Variants in MAX observed in about 807,000 individuals in gnomAD.
MAX encodes the protein protein max.
A neutral mutation model predicts 22.3 loss-of-function variants in MAX; 3 were observed. The ratio of observed to expected loss-of-function variants is 0.13; its 90% CI spans 0.06 to 0.35. The LOEUF is 0.35. Ranked by LOEUF, MAX falls within the 10% of genes least tolerant of loss-of-function variation. MAX has a pLI of 1.00. For synonymous variants in MAX, 72 were observed against 77.7 expected (o/e 0.93, Z 0.39); for missense variants, 119 against 209.4 (o/e 0.57, Z 2.66).
At chr14:65,034,059 G>A (rs2062141636) in intron 3 of MAX, among the ~76,000 whole-genome samples, 1 of 152,136 alleles carries the variant, frequency 6.6e-6, no homozygotes. Context: ...TGGAGTTAAT[G>A]GATATATCAT....
At chr14:65,065,649 G>A (rs1481267683) in intron 3 of MAX, among the ~76,000 whole-genome samples, 1 of 152,164 alleles carries the variant, frequency 6.6e-6, no homozygotes, top group Non-Finnish European at 1.5e-5. Context: ...ATGATCTCAC[G>A]GGACCACTGT....
Position 65,019,508 on chromosome 14 carries a change from A to ATT in MAX, c.172-13226_172-13225dup, listed in dbSNP as rs71123900. Among the ~76,000 whole-genome samples the ATT allele has an allele frequency of 2.4e-4, 36 of 151,906 alleles. No individual in the cohort carries two copies. In the East Asian group the frequency reaches 3.5e-3, roughly 15 times the overall value. Reference sequence around the variant, plus strand: ...GTCTCAAAAAACAAACAAACAAAACATTTTTTTTAAGCTTACTTGCATTTT... The same window carrying ATT: ...GTCTCAAAAAACAAACAAACAAAACATTTTTTTTTTAAGCTTACTTGCATTTT... On this transcript the variant is annotated intron_variant, in intron 3 of 3. Coordinates refer to the MAX transcript ENST00000341653.
In MAX at chr14:65,101,798, C is replaced by T. The variant is rs2063850457; in HGVS notation, c.37-226G>A. On this transcript the variant is annotated intron_variant, in intron 1 of 4. Transcript: ENST00000358664. ...CGCCGCCCCTCCTTCCGGGATCCGA[C>T]CTGGGCCAGAGGGGTCCCGAGCACT... is the stretch of plus-strand genomic sequence containing the variant. The T allele has an allele frequency of 8.0e-5, 47 of 589,888 alleles. No individual in the cohort carries two copies. In the East Asian group the frequency reaches 1.3e-3, roughly 16 times the overall value. The allele number at this position is 589,888 out of a possible 1,614,324, so 36.5% of individuals were successfully genotyped here.
Position 65,032,781 on chromosome 14 carries a change from G to A in MAX, c.172-26497C>T. 7.6e-7 allele frequency: 1 copy of A among 1,317,076 alleles called. No individual in the cohort carries two copies. Among genetic ancestry groups the A allele is most frequent in the Non-Finnish European group, 1.0e-6 (1 of 970,926 alleles). 81.6% of individuals were successfully genotyped at this position (1,317,076 alleles called of 1,614,324 possible). A position where few individuals can be genotyped will look rare whatever the true frequency, so the allele number is the denominator to read the frequency against. Reference sequence around the variant, plus strand: ...CAGAAAAATAAAGAAAATGCAGAGGGACTTGGAAGGAAATACAAAAATCAC... The same window carrying A: ...CAGAAAAATAAAGAAAATGCAGAGGAACTTGGAAGGAAATACAAAAATCAC... On this transcript the variant is annotated intron_variant, in intron 3 of 3. Coordinates refer to the MAX transcript ENST00000341653. The surrounding 1 kb of genome is among the most constrained non-coding windows in gnomAD (Gnocchi z 5.0).
chr14:65,088,424 G>A lies in MAX; in HGVS notation c.171+5284C>T, dbSNP rs2063402198. ...GCAACTATGGGCAACAATTTAAGAT[G>A]TAGAAACTTTAAAAAGATAATTGCC... On this transcript the variant is annotated intron_variant, in intron 3 of 4. Transcript: ENST00000358664. This position sits in a 1 kb window ranked among gnomAD's most constrained non-coding sequence, Gnocchi z 5.2. Among the ~76,000 whole-genome samples, 1 of 152,216 alleles carries A rather than the reference G, an allele frequency of 6.6e-6. No individual in the cohort carries two copies. The highest frequency in any genetic ancestry group is 2.1e-4 in the South Asian group (1 of 4,824).
rs2062030203 is a variant in MAX, at chr14:65,028,882, C to T, written c.172-22598G>A. Among the ~76,000 whole-genome samples the T allele has an allele frequency of 6.6e-6, 1 of 152,174 alleles. No individual in the cohort carries two copies. Among genetic ancestry groups the T allele is most frequent in the Non-Finnish European group, 1.5e-5 (1 of 68,024 alleles). Reference sequence around the variant, plus strand: ...GCTATTCCCCCAAAATATGCACAGTCTTGAAACGCAGCTTTTAAAAACCTA... The same window carrying T: ...GCTATTCCCCCAAAATATGCACAGTTTTGAAACGCAGCTTTTAAAAACCTA... On this transcript the variant is annotated intron_variant, in intron 3 of 3. Transcript: ENST00000341653. This position sits in a 1 kb window ranked among gnomAD's most constrained non-coding sequence, Gnocchi z 4.4.
intron 3 of MAX, among the ~76,000 whole-genome samples, chr14:65,060,513 G>A: frequency 7.9e-6 from 1 of 127,374 alleles, no homozygotes; most frequent in Non-Finnish European, 1.5e-5. Flanking sequence ...CGGCTAAAAC[G>A]GTGAAACCCC....
chr14:65,043,638 A>C (rs568865851), intron 3 of MAX, among the ~76,000 whole-genome samples: 105 of 151,332 alleles, frequency 6.9e-4, no homozygotes, highest in South Asian at 3.1e-3. Context: ...CTGGCTAACA[A>C]GGTGAAACCC....
intron 3 of MAX, among the ~76,000 whole-genome samples, chr14:65,022,837 G>A (rs2061913655): frequency 6.6e-6 from 1 of 152,022 alleles, no homozygotes; most frequent in Non-Finnish European, 1.5e-5. Flanking sequence ...CCTTATTACT[G>A]GTCTTTTCCT....
intron 3 of MAX, among the ~76,000 whole-genome samples, chr14:65,037,597 T>C (rs893584050): frequency 6.7e-6 from 1 of 149,180 alleles, no homozygotes; most frequent in Non-Finnish European, 1.5e-5. Flanking sequence ...GCTAATTTTT[T>C]AAATTTTTGT....
At position 65,011,283 on chromosome 14, in the gene MAX, G is replaced by T. The variant is rs1457454830; in HGVS notation, c.172-4999C>A. ...GTCTCCACTAAAAATACAAAAATTA[G>T]CTGGGTGTGGTGGCACGTGCCTGTA... On this transcript the variant is annotated intron_variant, in intron 3 of 3. Coordinates refer to the MAX transcript ENST00000341653. The surrounding 1 kb of genome is among the most constrained non-coding windows in gnomAD (Gnocchi z 4.0). 6.6e-6 allele frequency among the ~76,000 whole-genome samples: 1 copy of T among 152,156 alleles called. No individual in the cohort carries two copies. Among genetic ancestry groups the T allele is most frequent in the African/African-American group, 2.4e-5 (1 of 41,424 alleles).
chr14:65,054,581 T>G lies in MAX; in HGVS notation c.171+39127A>C, dbSNP rs965658747. On this transcript the variant is annotated intron_variant, in intron 3 of 3. Transcript: ENST00000341653. The surrounding 1 kb of genome is among the most constrained non-coding windows in gnomAD (Gnocchi z 4.4). Reference sequence around the variant, plus strand: ...GAGCTGCCTGTCCTTACAGGTCGCGTGATTTCTACCACACCTGCTACTGCC... The same window carrying G: ...GAGCTGCCTGTCCTTACAGGTCGCGGGATTTCTACCACACCTGCTACTGCC... 6.2e-7 allele frequency: 1 copy of G among 1,612,936 alleles called. No individual in the cohort carries two copies. Among genetic ancestry groups the G allele is most frequent in the African/African-American group, 1.3e-5 (1 of 74,872 alleles).
rs919664181 is a variant in MAX, at chr14:65,029,111, A to G, written c.172-22827T>C. Among the ~76,000 whole-genome samples the G allele has an allele frequency of 3.2e-4, 49 of 152,108 alleles. No individual in the cohort carries two copies. The highest frequency in any genetic ancestry group is 1.1e-3 in the African/African-American group (46 of 41,402). On this transcript the variant is annotated intron_variant, in intron 3 of 3. Transcript: ENST00000341653. The surrounding 1 kb of genome is among the most constrained non-coding windows in gnomAD (Gnocchi z 4.7). ...GGTTCCCCTGCCAAGCACTGTAGCCATATTCTTCCCTGACCTTTGCTCTTT... is the reference window on the plus strand; with the variant it reads ...GGTTCCCCTGCCAAGCACTGTAGCCGTATTCTTCCCTGACCTTTGCTCTTT...
chr14:65,048,666 A>G (rs1272163190), intron 3 of MAX, among the ~76,000 whole-genome samples: 3 of 152,212 alleles, frequency 2.0e-5, no homozygotes, highest in Non-Finnish European at 4.4e-5. Context: ...CAGCCTGGGC[A>G]ATATAGTGAG....
Position 65,102,432 on chromosome 14 carries a change from C to T in MAX, c.-93G>A. 2 of 1,554,704 alleles carry T rather than the reference C, an allele frequency of 1.3e-6. No individual in the cohort carries two copies. Among genetic ancestry groups the T allele is most frequent in the South Asian group, 1.2e-5 (1 of 84,532 alleles). ...AGTCACCGACAACAACAAGCCGAGTCCCCCCCACACACACACTCACTCACT... is the reference window on the plus strand; with the variant it reads ...AGTCACCGACAACAACAAGCCGAGTTCCCCCCACACACACACTCACTCACT... On this transcript the variant is annotated 5_prime_UTR_variant, in exon 1 of 5. Transcript: ENST00000358664.
In MAX at chr14:65,028,397, A is replaced by AT. The variant is rs888001197; in HGVS notation, c.172-22114dup. On this transcript the variant is annotated intron_variant, in intron 3 of 3. Coordinates refer to the MAX transcript ENST00000341653. The surrounding 1 kb of genome is among the most constrained non-coding windows in gnomAD (Gnocchi z 4.4). ...TACTTATGAGGCATACAGGGAATTCATTGAATAAGCCATTTCTCTAAGACA... is the reference window on the plus strand; with the variant it reads ...TACTTATGAGGCATACAGGGAATTCATTTGAATAAGCCATTTCTCTAAGACA... 1.3e-5 allele frequency among the ~76,000 whole-genome samples: 2 copies of AT among 152,222 alleles called. No homozygotes were observed. Among genetic ancestry groups the AT allele is most frequent in the African/African-American group, 4.8e-5 (2 of 41,460 alleles).
intron 3 of MAX, among the ~76,000 whole-genome samples, chr14:65,086,195 T>C (rs1434561563): frequency 6.6e-6 from 1 of 152,200 alleles, no homozygotes. Flanking sequence ...TTAAACCTCT[T>C]TCTTTTGTAA....
In MAX at chr14:65,075,525, A is replaced by T; in HGVS notation, c.*951T>A. On this transcript the variant is annotated 3_prime_UTR_variant, in exon 5 of 5. Transcript: ENST00000358664. This position sits in a 1 kb window ranked among gnomAD's most constrained non-coding sequence, Gnocchi z 4.1. The stretch of plus-strand genomic sequence containing the variant: ...AAATCAGTTGGCTCTATTTCTTAGA[A>T]ATACACACGGGAAGAAAGAAAGATT... 2 of 1,065,498 alleles carry T rather than the reference A, an allele frequency of 1.9e-6. No individual in the cohort carries two copies. The highest frequency in any genetic ancestry group is 2.3e-6 in the Non-Finnish European group (2 of 879,118). 66.0% of individuals were successfully genotyped at this position (1,065,498 alleles called of 1,614,324 possible). A position where few individuals can be genotyped will look rare whatever the true frequency, so the allele number is the denominator to read the frequency against.
Position 65,077,378 on chromosome 14 carries a change from A to G in MAX, c.295+535T>C. On this transcript the variant is annotated intron_variant, in intron 4 of 4. Transcript: ENST00000358664. The surrounding 1 kb of genome is among the most constrained non-coding windows in gnomAD (Gnocchi z 6.3). ...TACTTGCATCTTCCATGAGGGAGGAAGAGAAGTGAATTCCCCAGGAACAAA... is the reference window on the plus strand; with the variant it reads ...TACTTGCATCTTCCATGAGGGAGGAGGAGAAGTGAATTCCCCAGGAACAAA... The G allele has an allele frequency of 6.2e-7, 1 of 1,613,980 alleles. No individual in the cohort carries two copies. Among genetic ancestry groups the G allele is most frequent in the East Asian group, 2.2e-5 (1 of 44,888 alleles).
Sources: allele counts gnomAD v4.1 joint callset (sites outside exome capture counted in the v4.1 genomes callset), GRCh38; gene constraint gnomAD v4.1.1; non-coding constraint Gnocchi (gnomAD v3.1); transcripts MANE v1.5; gene names NCBI Gene and HGNC (gene_info 2026-07-23, HGNC 2026-07-21).